PRKACB: variants seen among roughly 807,000 people sequenced by gnomAD.
PRKACB encodes cAMP-dependent protein kinase catalytic subunit beta.
A neutral mutation model predicts 51.4 loss-of-function variants in PRKACB; 16 were observed. The observed-to-expected ratio is 0.31, with a 90% CI of 0.21 to 0.47. The LOEUF is 0.47. Among genes scored for constraint, PRKACB ranks in the 20% least tolerant of loss-of-function variants. PRKACB has a pLI of 1.00. For missense variants in PRKACB, 309 were observed against 464.5 expected, an observed-to-expected ratio of 0.67 and a Z score of 3.08; for synonymous variants, 147 against 154.4, an observed-to-expected ratio of 0.95 and a Z score of 0.35.
Position 84,083,722 on chromosome 1 carries a change from C to A in PRKACB, c.46+5351C>A, listed in dbSNP as rs373604698. 7.9e-5 allele frequency among the ~76,000 whole-genome samples: 12 copies of A among 152,202 alleles called. 1 individual carries two copies. The highest frequency in any genetic ancestry group is 4.6e-4 in the Admixed American group (7 of 15,292). On this transcript the variant is annotated intron_variant, in intron 1 of 8. Coordinates refer to the PRKACB transcript ENST00000370688. ...ATCAAATTTCCTCAGATTAATAAATCCTAAATTCTTAGTGAATAACATTGT... is the reference window on the plus strand; with the variant it reads ...ATCAAATTTCCTCAGATTAATAAATACTAAATTCTTAGTGAATAACATTGT...
chr1:84,148,458 G>T (rs1654413356), intron 1 of PRKACB, among the ~76,000 whole-genome samples: 1 of 144,110 alleles, frequency 6.9e-6, no homozygotes, highest in Admixed American at 7.0e-5. Context: ...TCTCATGTTT[G>T]ATTTTGAACT....
intron 9 of PRKACB, 134 bp downstream of exon 9, chr1:84,214,451 T>G: frequency 1.1e-6 from 1 of 881,216 alleles, no homozygotes; most frequent in Non-Finnish European, 1.6e-6. Flanking sequence ...GGATCTAAAG[T>G]ACTTTACAGC....
intron 9 of PRKACB, among the ~76,000 whole-genome samples, chr1:84,226,267 G>GTTTTTTTTT: frequency 1.2e-5 from 1 of 80,150 alleles, no homozygotes; most frequent in South Asian, 4.7e-4. Flanking sequence ...TGGTTTGTGG[G>GTTTTTTTTT]TTTTTTGTTT....
chr1:84,202,863 T>A, intron 8 of PRKACB, 58 bp downstream of exon 8: 1 of 1,410,308 alleles, frequency 7.1e-7, no homozygotes, highest in Non-Finnish European at 9.7e-7. Context: ...TTAAGCTTCA[T>A]GAATTGAAAC....
At chr1:84,172,119 A>G (rs1204276184) in intron 1 of PRKACB, among the ~76,000 whole-genome samples, 1 of 151,642 alleles carries the variant, frequency 6.6e-6, no homozygotes, top group Non-Finnish European at 1.5e-5. Flanking sequence ...TAGAGCATCA[A>G]GGATATGGTG....
At chr1:84,217,201 C>G (rs1301544061) in intron 9 of PRKACB, among the ~76,000 whole-genome samples, 2 of 152,166 alleles carry the variant, frequency 1.3e-5, no homozygotes, top group Non-Finnish European at 2.9e-5. Context: ...GGCCCAGGCT[C>G]CATTTTCCTT....
chr1:84,190,844 G>C (rs537423890), intron 5 of PRKACB, among the ~76,000 whole-genome samples: 1 of 152,122 alleles, frequency 6.6e-6, no homozygotes, highest in African/African-American at 2.4e-5. Flanking sequence ...TTGTATGTAA[G>C]AATAGACTCC....
At chr1:84,085,026 G>A (rs1392070230) in intron 1 of PRKACB, among the ~76,000 whole-genome samples, 2 of 152,144 alleles carry the variant, frequency 1.3e-5, no homozygotes, top group African/African-American at 4.8e-5. Flanking sequence ...ACTTACATAA[G>A]TTAAGAATTC....
chr1:84,091,080 G>A (rs887379046), intron 1 of PRKACB, among the ~76,000 whole-genome samples: 2 of 151,232 alleles, frequency 1.3e-5, no homozygotes, highest in African/African-American at 2.4e-5. Context: ...CTTTCTCATC[G>A]CTCACCTACT....
rs555443685 is a variant in PRKACB at position 84,144,298 on chromosome 1, A to G, written c.-64A>G. The stretch of plus-strand genomic sequence containing the variant: ...ATGCATAGCTCTTAGCTTCTGTGTA[A>G]GAAGTTGTGAGCTCCTTCTGGAAAC... On this transcript the variant is annotated 5_prime_UTR_variant, in exon 1 of 10. Coordinates refer to ENST00000370685, the MANE Select transcript of PRKACB (RefSeq NM_182948.4). 6.3e-7 allele frequency: 1 copy of G among 1,580,068 alleles called. No individual in the cohort carries two copies. The highest frequency in any genetic ancestry group is 1.9e-5 in the Admixed American group (1 of 51,554).
intron 1 of PRKACB, among the ~76,000 whole-genome samples, chr1:84,078,655 G>C (rs1647280413): frequency 6.6e-6 from 1 of 152,152 alleles, no homozygotes; most frequent in African/African-American, 2.4e-5. Context: ...ACACGTTCTG[G>C]AACACTTCCC....
intron 1 of PRKACB, among the ~76,000 whole-genome samples, chr1:84,115,714 C>G (rs1650578085): frequency 6.6e-6 from 1 of 151,632 alleles, no homozygotes; most frequent in African/African-American, 2.4e-5. Context: ...GAAACCCTTT[C>G]TCTACTAAAA....
intron 1 of PRKACB, among the ~76,000 whole-genome samples, chr1:84,086,859 G>A (rs1414372175): frequency 6.6e-6 from 1 of 152,174 alleles, no homozygotes; most frequent in African/African-American, 2.4e-5. Context: ...GGAGAGCCTT[G>A]ACTCTGTAAG....
intron 9 of PRKACB, among the ~76,000 whole-genome samples, chr1:84,220,543 A>G (rs2101621157): frequency 6.6e-6 from 1 of 152,268 alleles, no homozygotes; most frequent in East Asian, 1.9e-4. Context: ...AAGGCTTTCA[A>G]CTTTTCCTCA....
chr1:84,220,236 T>C (rs1297976168), intron 9 of PRKACB, among the ~76,000 whole-genome samples: 1 of 152,190 alleles, frequency 6.6e-6, no homozygotes, highest in Non-Finnish European at 1.5e-5. Flanking sequence ...TGGAATTATA[T>C]TACTGATTTC....
Position 84,236,926 on chromosome 1 carries a change from A to G in PRKACB, c.*1621A>G, listed in dbSNP as rs1257596165. ...TTTAATCAAGCTGATCTTAATGTAT[A>G]TAATCATTCTATTTGCTTTATTATC... On this transcript the variant is annotated 3_prime_UTR_variant, in exon 10 of 10. Transcript: ENST00000370685. 1.3e-5 allele frequency: 2 copies of G among 152,400 alleles called. No homozygotes were observed. Among genetic ancestry groups the G allele is most frequent in the African/African-American group, 2.4e-5 (1 of 41,450 alleles). 9.4% of individuals were successfully genotyped at this position (152,400 alleles called of 1,614,324 possible).
intron 9 of PRKACB, among the ~76,000 whole-genome samples, chr1:84,233,001 CATA>C (rs1392593804): frequency 1.3e-5 from 2 of 151,902 alleles, no homozygotes; most frequent in African/African-American, 4.8e-5. Context: ...GCAGTTTCTT[CATA>C]GTCTCGATGG....
chr1:84,170,036 T>C (rs1658908127), intron 1 of PRKACB, among the ~76,000 whole-genome samples: 1 of 151,646 alleles, frequency 6.6e-6, no homozygotes, highest in African/African-American at 2.4e-5. Context: ...AATGAATACC[T>C]GAATTTACCC....
chr1:84,229,087 C>T (rs1303094852), intron 9 of PRKACB, among the ~76,000 whole-genome samples: 2 of 126,544 alleles, frequency 1.6e-5, no homozygotes, highest in Non-Finnish European at 3.2e-5. Context: ...CCCCCTCCCC[C>T]CACCCCGTAA....
Sources: allele counts gnomAD v4.1 joint callset (sites outside exome capture counted in the v4.1 genomes callset), GRCh38; gene constraint gnomAD v4.1.1; transcripts MANE v1.5; gene names NCBI Gene and HGNC (gene_info 2026-07-23, HGNC 2026-07-21).